The following MCM10 variants were observed in gnomAD, a reference collection of about 807,000 sequenced individuals.
The protein encoded by MCM10 is protein MCM10 homolog.
MCM10 carries 91 observed loss-of-function variants against 109.9 expected under a neutral mutation model. The ratio of observed to expected loss-of-function variants is 0.83; its 90% CI spans 0.70 to 0.99. MCM10 has a LOEUF of 0.99. Ranked by LOEUF, MCM10 falls within the 50% of genes least tolerant of loss-of-function variation. MCM10 has a pLI of 0.00. For synonymous variants in MCM10, 380 were observed against 387.2 expected (o/e 0.98, Z 0.22); for missense variants, 1,077 against 1,061.2 (o/e 1.01, Z -0.21).
chr10:13,193,922 C>T (rs1268928353), intron 13 of MCM10, among the ~76,000 whole-genome samples: 3 of 152,042 alleles, frequency 2.0e-5, no homozygotes. Context: ...AGTGGCTGTG[C>T]GGTTGGGAAG....
At chr10:13,205,585 C>T (rs1041079659) in intron 18 of MCM10, among the ~76,000 whole-genome samples, 1 of 152,052 alleles carries the variant, frequency 6.6e-6, no homozygotes. Context: ...ATTTTTAGTT[C>T]TTTGAGAAAT....
intron 18 of MCM10, among the ~76,000 whole-genome samples, chr10:13,205,953 G>T (rs1834574523): frequency 6.6e-6 from 1 of 152,138 alleles, no homozygotes; most frequent in Non-Finnish European, 1.5e-5. Flanking sequence ...GCTGGGTTAA[G>T]GAACCCTCCC....
chr10:13,164,413 G>C (rs1833968170), intron 2 of MCM10, among the ~76,000 whole-genome samples: 1 of 152,224 alleles, frequency 6.6e-6, no homozygotes, highest in South Asian at 2.1e-4. Context: ...TCTGGCAACA[G>C]AGATTGTCTT....
At chr10:13,179,770 G>A (rs1235388271) in intron 6 of MCM10, among the ~76,000 whole-genome samples, 1 of 152,108 alleles carries the variant, frequency 6.6e-6, no homozygotes. Context: ...TGAAATTCTT[G>A]CATAATCGAT....
chr10:13,175,667 T>G lies in MCM10; in HGVS notation c.750T>G (p.Ser250=). Residue 250 remains serine (S), a synonymous_variant, in exon 6 of 20, where the codon TCT becomes TCG. Coordinates refer to ENST00000378714, the MANE Select transcript of MCM10 (RefSeq NM_018518.5). ...AACCCATCTGTGTGGAAGCCTTCTC[T>G]GGTCTGCGGCTCAGGTCAGTAGCTA... ...TTQPICVEAF[S]GLRLRRPRVS... The G allele has an allele frequency of 6.2e-7, 1 of 1,607,298 alleles. No homozygotes were observed. Among genetic ancestry groups the G allele is most frequent in the South Asian group, 1.1e-5 (1 of 90,196 alleles).
At chr10:13,178,805 A>C (rs1834173486) in intron 6 of MCM10, among the ~76,000 whole-genome samples, 1 of 152,174 alleles carries the variant, frequency 6.6e-6, no homozygotes, top group African/African-American at 2.4e-5. Context: ...GATTGTATGG[A>C]CAGTTGAACA....
intron 16 of MCM10, among the ~76,000 whole-genome samples, chr10:13,200,821 G>C (rs554508956): frequency 6.6e-6 from 1 of 152,340 alleles, no homozygotes; most frequent in East Asian, 1.9e-4. Flanking sequence ...TGTCATGTTA[G>C]GAGTGTTTAT....
chr10:13,184,143 C>T (rs1322287471), intron 8 of MCM10, among the ~76,000 whole-genome samples: 1 of 152,102 alleles, frequency 6.6e-6, no homozygotes, highest in Non-Finnish European at 1.5e-5. Flanking sequence ...CAGCCATGAG[C>T]CACCACGCCC....
chr10:13,163,921 C>G (rs570706333), intron 1 of MCM10, among the ~76,000 whole-genome samples: 27 of 152,104 alleles, frequency 1.8e-4, no homozygotes, highest in African/African-American at 6.3e-4. Flanking sequence ...CTTTCTGTAA[C>G]CTTAAACACA....
At chr10:13,207,823 G>A (rs1411743029) in intron 18 of MCM10, among the ~76,000 whole-genome samples, 2 of 152,102 alleles carry the variant, frequency 1.3e-5, no homozygotes, top group African/African-American at 2.4e-5. Flanking sequence ...CCAGTCTTGG[G>A]TATGTCTTTA....
intron 3 of MCM10, 95 bp downstream of exon 3, chr10:13,171,358 G>T: frequency 8.8e-7 from 1 of 1,136,380 alleles, no homozygotes; most frequent in South Asian, 1.7e-5. Flanking sequence ...CTGATTCAAG[G>T]GTAGAGATAA....
chr10:13,176,011 G>C (rs959274971), intron 6 of MCM10, among the ~76,000 whole-genome samples: 2 of 152,134 alleles, frequency 1.3e-5, no homozygotes. Context: ...CTCTATTGAG[G>C]TATAATTTAG....
In MCM10 at chr10:13,196,131, A is replaced by C. The variant is rs1450356094; in HGVS notation, c.1974+862A>C. 1.3e-5 allele frequency among the ~76,000 whole-genome samples: 2 copies of C among 151,100 alleles called. 1 individual carries two copies. The highest frequency in any genetic ancestry group is 4.2e-4 in the South Asian group (2 of 4,776). ...CCTTTGCTGCCCAAGCTGGTCTTGC[A>C]CTCCTGGACTCAAGCAGTCCCACCT... On this transcript the variant is annotated intron_variant, in intron 14 of 19. Transcript: ENST00000378714.
Position 13,172,915 on chromosome 10 carries a change from A to T in MCM10, c.592+150A>T. On this transcript the variant is annotated intron_variant, in intron 5 of 19. Coordinates refer to ENST00000378714, the MANE Select transcript of MCM10 (RefSeq NM_018518.5). This position sits in a 1 kb window ranked among gnomAD's most constrained non-coding sequence, Gnocchi z 5.2. Reference sequence around the variant, plus strand: ...TTCTTGGGAATGGAAGCCACATGATATATTTTGTGTTCTTCGTCTACATCT... The same window carrying T: ...TTCTTGGGAATGGAAGCCACATGATTTATTTTGTGTTCTTCGTCTACATCT... 2 of 744,458 alleles carry T rather than the reference A, an allele frequency of 2.7e-6. No individual in the cohort carries two copies. Among genetic ancestry groups the T allele is most frequent in the Admixed American group, 3.1e-5 (1 of 32,692 alleles). The allele number at this position is 744,458 out of a possible 1,614,324, so 46.1% of individuals were successfully genotyped here.
intron 13 of MCM10, among the ~76,000 whole-genome samples, chr10:13,194,408 A>T (rs1386364530): frequency 6.6e-6 from 1 of 152,174 alleles, no homozygotes; most frequent in African/African-American, 2.4e-5. Flanking sequence ...TTTGCCAGGC[A>T]TGATAGCTCA....
intron 2 of MCM10, among the ~76,000 whole-genome samples, chr10:13,165,475 C>T (rs78885766): frequency 3.9e-5 from 6 of 152,292 alleles, no homozygotes; most frequent in East Asian, 1.9e-4. Context: ...TACAAAGCAT[C>T]ACTTTTTGCT....
At chr10:13,188,277 C>T (rs901586023) in intron 9 of MCM10, among the ~76,000 whole-genome samples, 4 of 152,188 alleles carry the variant, frequency 2.6e-5, no homozygotes, top group Admixed American at 6.5e-5. Context: ...AGAAAAACCT[C>T]GCTGGGAGCT....
At chr10:13,169,787 C>A (rs1446494382) in intron 2 of MCM10, among the ~76,000 whole-genome samples, 4 of 152,202 alleles carry the variant, frequency 2.6e-5, no homozygotes, top group Non-Finnish European at 4.4e-5. Flanking sequence ...CTCACTGCAA[C>A]CTCCACCTCC....
chr10:13,202,867 C>CA (rs1834518521), intron 17 of MCM10, among the ~76,000 whole-genome samples: 1 of 152,074 alleles, frequency 6.6e-6, no homozygotes, highest in Admixed American at 6.6e-5. Flanking sequence ...TTTTTGGAGA[C>CA]AGAGTCTCAC....
Sources: allele counts gnomAD v4.1 joint callset (sites outside exome capture counted in the v4.1 genomes callset), GRCh38; gene constraint gnomAD v4.1.1; non-coding constraint Gnocchi (gnomAD v3.1); transcripts MANE v1.5; gene names NCBI Gene and HGNC (gene_info 2026-07-23, HGNC 2026-07-21).